The following CCDC7 variants were observed in gnomAD, a reference collection of about 807,000 sequenced individuals.
CCDC7 encodes the protein coiled-coil domain-containing protein 7.
In CCDC7, 183 loss-of-function variants were observed where a neutral mutation model predicts 196.9. The ratio of observed to expected loss-of-function variants is 0.93; its 90% CI spans 0.82 to 1.05. The LOEUF is 1.05. Ranked by LOEUF, CCDC7 falls within the 50% of genes least tolerant of loss-of-function variation. The probability of loss-of-function intolerance (pLI) is 0.00; values close to 1 mark genes in which losing one functional copy is unlikely to be tolerated. For missense variants in CCDC7, 1,540 were observed against 1,482.2 expected, an observed-to-expected ratio of 1.04 and a Z score of -0.64; for synonymous variants, 525 against 484.6, an observed-to-expected ratio of 1.08 and a Z score of -1.10.
chr10:32,556,807 A>G (rs2054427348), intron 13 of CCDC7, among the ~76,000 whole-genome samples: 1 of 152,202 alleles, frequency 6.6e-6, no homozygotes, highest in Admixed American at 6.5e-5. Flanking sequence ...GAACACTATC[A>G]GGGTCTTAAT....
intron 32 of CCDC7, among the ~76,000 whole-genome samples, chr10:32,828,550 AAGAAGAAGAAAG>A (rs879465764): frequency 7.3e-4 from 108 of 147,748 alleles, no homozygotes; most frequent in Admixed American, 1.5e-3. Context: ...GAAGAAGAAG[AAGAAGAAGAAAG>A]AAGAAGAAGA....
chr10:32,558,459 C>T (rs1016515214), intron 13 of CCDC7, among the ~76,000 whole-genome samples: 1 of 152,052 alleles, frequency 6.6e-6, no homozygotes. Context: ...ATCTGGGGCT[C>T]CCTATCTTAT....
chr10:32,603,158 T>C (rs1384173444), intron 18 of CCDC7, among the ~76,000 whole-genome samples: 1 of 144,722 alleles, frequency 6.9e-6, no homozygotes, highest in Non-Finnish European at 1.5e-5. Context: ...CCCATGAAAT[T>C]CACTTTTTTT....
At chr10:32,443,573 T>G (rs878896328), upstream of CCDC7, among the ~76,000 whole-genome samples, 1 of 152,246 alleles carries the variant, frequency 6.6e-6, no homozygotes, top group Non-Finnish European at 1.5e-5. Flanking sequence ...GGAAAGATTT[T>G]TCTTTCCCCA....
At chr10:32,651,762 G>A (rs1373375468) in intron 20 of CCDC7, among the ~76,000 whole-genome samples, 1 of 152,144 alleles carries the variant, frequency 6.6e-6, no homozygotes, top group Non-Finnish European at 1.5e-5. Context: ...TTTTCTTGGG[G>A]CTGGCATGTT....
chr10:32,508,978 A>G (rs1487080897), intron 9 of CCDC7, among the ~76,000 whole-genome samples: 1 of 118,030 alleles, frequency 8.5e-6, no homozygotes, highest in Non-Finnish European at 1.7e-5. Flanking sequence ...TCTGTCACCC[A>G]GGCTGGAGTG....
intron 5 of CCDC7, among the ~76,000 whole-genome samples, chr10:32,464,012 A>T (rs1017604584): frequency 2.0e-5 from 3 of 152,042 alleles, no homozygotes; most frequent in African/African-American, 7.2e-5. Flanking sequence ...TCATCTTGTC[A>T]TCTTCTTTTC....
intron 15 of CCDC7, among the ~76,000 whole-genome samples, chr10:32,569,131 GTCT>G (rs1320646670): frequency 6.6e-6 from 1 of 152,060 alleles, no homozygotes; most frequent in African/African-American, 2.4e-5. Context: ...ATACACACCT[GTCT>G]TCTTATGTAT....
intron 9 of CCDC7, 137 bp from the exon 11 acceptor site, chr10:32,517,808 G>T: frequency 1.4e-6 from 1 of 732,542 alleles, no homozygotes; most frequent in Non-Finnish European, 2.1e-6. Flanking sequence ...GAAAAAGTGG[G>T]ATGCAAGGGA....
chr10:32,533,506 G>GT (rs113866682), intron 11 of CCDC7, among the ~76,000 whole-genome samples: 33 of 151,216 alleles, frequency 2.2e-4, no homozygotes, highest in African/African-American at 6.5e-4. Flanking sequence ...ACCTGGAAAA[G>GT]TTTTTTTTTA....
At chr10:32,831,423 T>A (rs1318568783) in intron 32 of CCDC7, among the ~76,000 whole-genome samples, 1 of 152,212 alleles carries the variant, frequency 6.6e-6, no homozygotes, top group East Asian at 1.9e-4. Context: ...TTTTTAAAAA[T>A]CTTTCCTTAA....
chr10:32,864,350 A>G (rs891576309), intron 41 of CCDC7, among the ~76,000 whole-genome samples: 4 of 151,812 alleles, frequency 2.6e-5, no homozygotes, highest in African/African-American at 9.7e-5. Flanking sequence ...TTAGAAAGAA[A>G]TATAACAAGA....
At chr10:32,636,467 G>C (rs1209065801) in intron 20 of CCDC7, among the ~76,000 whole-genome samples, 3 of 152,096 alleles carry the variant, frequency 2.0e-5, no homozygotes, top group Non-Finnish European at 2.9e-5. Context: ...CTATGAGTGA[G>C]AACATGCGGT....
intron 33 of CCDC7, among the ~76,000 whole-genome samples, chr10:32,840,617 G>A (rs531022123): frequency 2.4e-4 from 36 of 151,988 alleles, no homozygotes; most frequent in African/African-American, 8.4e-4. Context: ...GATTCCAAAA[G>A]ATACAGAAAG....
chr10:32,750,274 TA>T (rs2075453259), intron 28 of CCDC7, among the ~76,000 whole-genome samples: 1 of 152,190 alleles, frequency 6.6e-6, no homozygotes, highest in South Asian at 2.1e-4. Flanking sequence ...TATGGGTATA[TA>T]AGTCATGATC....
intron 28 of CCDC7, among the ~76,000 whole-genome samples, chr10:32,767,169 G>T (rs1288937362): frequency 6.6e-6 from 1 of 152,060 alleles, no homozygotes; most frequent in South Asian, 2.1e-4. Context: ...CACTGGGCAC[G>T]TGTCCAATAT....
At chr10:32,621,195 CAT>C (rs2063369064) in intron 18 of CCDC7, among the ~76,000 whole-genome samples, 2 of 152,262 alleles carry the variant, frequency 1.3e-5, no homozygotes, top group African/African-American at 4.8e-5. Context: ...TTCTTATAAT[CAT>C]ATTACCCATG....
intron 11 of CCDC7, among the ~76,000 whole-genome samples, chr10:32,524,023 T>A (rs528130351): frequency 6.6e-6 from 1 of 152,048 alleles, no homozygotes; most frequent in African/African-American, 2.4e-5. Flanking sequence ...TGCCATTTTT[T>A]AAATTTGTTT....
intron 31 of CCDC7, 63 bp downstream of exon 32, chr10:32,814,516 T>G: frequency 8.5e-7 from 1 of 1,174,558 alleles, no homozygotes; most frequent in Non-Finnish European, 1.3e-6. Flanking sequence ...GGAGTGTAAC[T>G]AAGTGTGCAT....
Sources: gnomAD v4.1 joint callset for allele counts (sites outside exome capture counted in the v4.1 genomes callset) on GRCh38, gnomAD v4.1.1 for gene constraint, MANE v1.5 for transcripts, NCBI Gene and HGNC (gene_info 2026-07-23, HGNC 2026-07-21) for gene names.